The following RABGEF1 variants were observed in gnomAD, a reference collection of about 807,000 sequenced individuals.
RABGEF1 encodes the protein RAB guanine nucleotide exchange factor 1.
In RABGEF1, 26 loss-of-function variants were observed where a neutral mutation model predicts 57.3. That is an observed-to-expected ratio of 0.45 (90% CI 0.33 to 0.63). RABGEF1 has a LOEUF of 0.63. Ranked by LOEUF, RABGEF1 falls within the 20% of genes least tolerant of loss-of-function variation. The pLI is 0.02. For missense variants in RABGEF1, 464 were observed against 607.6 expected (o/e 0.76, Z 2.48); for synonymous variants, 185 against 210.7 (o/e 0.88, Z 1.06).
intron 1 of RABGEF1, among the ~76,000 whole-genome samples, chr7:66,711,981 G>A (rs1423617468): frequency 1.3e-5 from 2 of 152,124 alleles, no homozygotes; most frequent in African/African-American, 2.4e-5. Flanking sequence ...AATTACTATA[G>A]CAATTACTTA....
intron 1 of RABGEF1, among the ~76,000 whole-genome samples, chr7:66,694,875 A>G (rs1018689604): frequency 1.3e-5 from 2 of 152,150 alleles, no homozygotes; most frequent in African/African-American, 4.8e-5. Flanking sequence ...CCCTGGACTT[A>G]GGGGTGTGTG....
chr7:66,691,299 A>G (rs62466128), intron 1 of RABGEF1, among the ~76,000 whole-genome samples: 5,576 of 152,270 alleles, frequency 0.037, 161 homozygotes, highest in East Asian at 0.086. Context: ...TTAAAAATAT[A>G]CATCTACACA....
At chr7:66,798,677 G>A (rs1786600140) in intron 6 of RABGEF1, among the ~76,000 whole-genome samples, 1 of 152,128 alleles carries the variant, frequency 6.6e-6, no homozygotes. Flanking sequence ...GAAGTTGAGG[G>A]TTGAGGCCAG....
chr7:66,687,315 G>A (rs1790820013), intron 1 of RABGEF1, among the ~76,000 whole-genome samples: 1 of 151,332 alleles, frequency 6.6e-6, no homozygotes, highest in South Asian at 2.1e-4. Context: ...TAGTAGAGAT[G>A]GGGTTTTGCC....
intron 1 of RABGEF1, among the ~76,000 whole-genome samples, chr7:66,765,959 T>A (rs181337700): frequency 2.0e-5 from 3 of 152,220 alleles, no homozygotes; most frequent in Admixed American, 6.5e-5. Flanking sequence ...GTACAAAATT[T>A]AAAAAAACTT....
Position 66,797,474 on chromosome 7 carries a change from G to A in RABGEF1, c.696G>A (p.Glu232=), listed in dbSNP as rs772766479. The change falls in exon 6 of 9, where the codon GAG becomes GAA. Residue 232 remains glutamate (E), a synonymous_variant. Transcript: ENST00000284957. ...TCTGTCCAGAAACTACTGATGATGA[G>A]AAGAAAGATCTTGCCATTCAAAAGA... ...YVFCPETTDD[E]KKDLAIQKRI... is the part of the protein sequence containing the mutation. 2.5e-6 allele frequency: 4 copies of A among 1,610,800 alleles called. No individual in the cohort carries two copies. The East Asian group carries it at 8.9e-5, about 36-fold the overall frequency.
chr7:66,789,814 C>A (rs564615208), intron 4 of RABGEF1, among the ~76,000 whole-genome samples: 1 of 151,936 alleles, frequency 6.6e-6, no homozygotes, highest in Admixed American at 6.6e-5. Flanking sequence ...CTGGGGCAGC[C>A]GTGGTGGCTC....
At chr7:66,757,333 T>A (rs1419003813) in intron 1 of RABGEF1, among the ~76,000 whole-genome samples, 1 of 152,268 alleles carries the variant, frequency 6.6e-6, no homozygotes, top group Non-Finnish European at 1.5e-5. Flanking sequence ...TCTAGCTTAT[T>A]TCACATAAAT....
chr7:66,693,156 G>A (rs1277041651), intron 1 of RABGEF1, among the ~76,000 whole-genome samples: 1 of 152,122 alleles, frequency 6.6e-6, no homozygotes, highest in African/African-American at 2.4e-5. Flanking sequence ...GTGTAAGGGG[G>A]AGATTCGGGG....
chr7:66,776,594 C>G (rs1432791282), intron 3 of RABGEF1, among the ~76,000 whole-genome samples: 3 of 152,114 alleles, frequency 2.0e-5, no homozygotes, highest in African/African-American at 7.2e-5. Flanking sequence ...GGCCAGAAGG[C>G]TGAGGCAGGA....
chr7:66,807,596 GCACCT>G (rs1294863822), intron 8 of RABGEF1, among the ~76,000 whole-genome samples: 1 of 152,172 alleles, frequency 6.6e-6, no homozygotes, highest in East Asian at 1.9e-4. Flanking sequence ...CACTTGTATT[GCACCT>G]CAAATATAAT....
At chr7:66,737,399 G>C (rs1013515481), upstream of RABGEF1, among the ~76,000 whole-genome samples, 1 of 151,544 alleles carries the variant, frequency 6.6e-6, no homozygotes. Flanking sequence ...GACTACAGGC[G>C]TGTGCCACCA....
In RABGEF1 at chr7:66,728,765, TCCTCACCTCCAC is replaced by T. The variant is rs1562743795; in HGVS notation, c.-814-11222_-814-11211del. On this transcript the variant is annotated intron_variant and NMD_transcript_variant, in intron 2 of 9. Coordinates refer to the RABGEF1 transcript ENST00000607882. Reference sequence around the variant, plus strand: ...ATCCTCACCTCGACCCTCACCGCCATCCTCACCTCCACCCTCACCTTCACCTCCATCCTCACC... The same window carrying T: ...ATCCTCACCTCGACCCTCACCGCCATCCTCACCTTCACCTCCATCCTCACC... 5.9e-3 allele frequency among the ~76,000 whole-genome samples: 11 copies of T among 1,858 alleles called. No homozygotes were observed. In the East Asian group the frequency reaches 0.093, roughly 16 times the overall value. 1.2% of individuals were successfully genotyped at this position (1,858 alleles called of 152,430 possible). A position where few individuals can be genotyped will look rare whatever the true frequency, so the allele number is the denominator to read the frequency against.
At chr7:66,806,786 G>A (rs1383602742) in intron 8 of RABGEF1, among the ~76,000 whole-genome samples, 1 of 151,830 alleles carries the variant, frequency 6.6e-6, no homozygotes. Flanking sequence ...TGGGATTACA[G>A]ATGTGTGTCA....
At position 66,689,697 on chromosome 7, in the gene RABGEF1, G is replaced by A. The variant is rs546376606; in HGVS notation, c.-873+7439G>A. Reference sequence around the variant, plus strand: ...AGGCACCTGCAATCCCAGCAACTCGGAGGCTGAGGCAGGAGAATCACTTGA... The same window carrying A: ...AGGCACCTGCAATCCCAGCAACTCGAAGGCTGAGGCAGGAGAATCACTTGA... On this transcript the variant is annotated intron_variant and NMD_transcript_variant, in intron 1 of 9. Coordinates refer to the RABGEF1 transcript ENST00000607882. 5.5e-4 allele frequency among the ~76,000 whole-genome samples: 84 copies of A among 152,044 alleles called. 2 individuals are homozygous for A. Among genetic ancestry groups the A allele is most frequent in the Middle Eastern group, 3.4e-3 (1 of 294 alleles).
At chr7:66,682,915 G>A (rs1239238632) in intron 1 of RABGEF1, among the ~76,000 whole-genome samples, 1 of 152,192 alleles carries the variant, frequency 6.6e-6, no homozygotes, top group Non-Finnish European at 1.5e-5. Context: ...GGGAGAGAGA[G>A]GGAAGGACTC....
rs530164531 is a variant in RABGEF1 at position 66,793,536 on chromosome 7, A to G, written c.514-1975A>G. Among the ~76,000 whole-genome samples the G allele has an allele frequency of 2.6e-5, 4 of 152,326 alleles. No individual in the cohort carries two copies. The South Asian group carries it at 8.3e-4, about 32-fold the overall frequency. On this transcript the variant is annotated intron_variant, in intron 4 of 8. Transcript: ENST00000284957. ...TCTGTAGTAATAATCACAAGAATGA[A>G]TATAGTTTCTTCTAAGTTAAGTGCT... is the stretch of plus-strand genomic sequence containing the variant.
intron 2 of RABGEF1, 101 bp downstream of exon 2, chr7:66,772,179 G>A: frequency 1.0e-6 from 1 of 967,904 alleles, no homozygotes; most frequent in East Asian, 3.1e-5. Context: ...TGAGCTATCA[G>A]CAAGTCAGTT....
intron 1 of RABGEF1, among the ~76,000 whole-genome samples, chr7:66,693,545 A>T (rs1263272852): frequency 6.6e-6 from 1 of 151,822 alleles, no homozygotes; most frequent in Non-Finnish European, 1.5e-5. Flanking sequence ...CTCGGCTGCC[A>T]GCCCTCCTGG....
Sources: allele counts gnomAD v4.1 joint callset (sites outside exome capture counted in the v4.1 genomes callset), GRCh38; gene constraint gnomAD v4.1.1; transcripts MANE v1.5; gene names NCBI Gene and HGNC (gene_info 2026-07-23, HGNC 2026-07-21).